SMYD3: variants seen among roughly 807,000 people sequenced by gnomAD.
SMYD3 encodes SET and MYND domain containing 3.
In SMYD3, 36 loss-of-function variants were observed where a neutral mutation model predicts 57.7. The ratio of observed to expected loss-of-function variants is 0.62; its 90% CI spans 0.48 to 0.82. The LOEUF (loss-of-function observed/expected upper bound fraction) is 0.82, where lower values mean the gene tolerates loss of function less well. Among genes scored for constraint, SMYD3 ranks in the 40% least tolerant of loss-of-function variants. The probability of loss-of-function intolerance (pLI) is 0.00; values close to 1 mark genes in which losing one functional copy is unlikely to be tolerated. For synonymous variants in SMYD3, 211 were observed against 195.0 expected (o/e 1.08, Z -0.68); for missense variants, 515 against 538.8 (o/e 0.96, Z 0.44).
rs558988244 is a variant in SMYD3, at chr1:246,392,467, G to A, written c.165-37373C>T. 6.4e-4 allele frequency among the ~76,000 whole-genome samples: 97 copies of A among 152,116 alleles called. 1 individual carries two copies. The highest frequency in any genetic ancestry group is 2.3e-3 in the African/African-American group (96 of 41,500). Reference sequence around the variant, plus strand: ...CATTATGAAGGACTACTTTTGAGGGGGTTTTTAGACACAAGATCTCACTGT... The same window carrying A: ...CATTATGAAGGACTACTTTTGAGGGAGTTTTTAGACACAAGATCTCACTGT... On this transcript the variant is annotated intron_variant, in intron 1 of 11. Coordinates refer to ENST00000490107, the MANE Select transcript of SMYD3 (RefSeq NM_001167740.2).
At chr1:245,818,602 A>G (rs373575383) in intron 10 of SMYD3, among the ~76,000 whole-genome samples, 18 of 151,954 alleles carry the variant, frequency 1.2e-4, no homozygotes, top group Non-Finnish European at 2.1e-4. Context: ...AGACTGGCAA[A>G]TTGGATAAAG....
At chr1:245,799,923 T>C (rs2047771820) in intron 10 of SMYD3, among the ~76,000 whole-genome samples, 1 of 152,210 alleles carries the variant, frequency 6.6e-6, no homozygotes, top group South Asian at 2.1e-4. Context: ...CACCTCATGC[T>C]GCAGCACTGG....
intron 1 of SMYD3, among the ~76,000 whole-genome samples, chr1:246,422,501 T>C (rs1008841383): frequency 1.3e-5 from 2 of 152,120 alleles, no homozygotes; most frequent in Non-Finnish European, 2.9e-5. Flanking sequence ...CTCAGCTCAC[T>C]GCAACTTCCA....
chr1:246,004,866 A>G (rs756713764), intron 5 of SMYD3, among the ~76,000 whole-genome samples: 18 of 151,930 alleles, frequency 1.2e-4, no homozygotes, highest in Non-Finnish European at 1.8e-4. Flanking sequence ...TTTTTTTGAG[A>G]CAGCGTCTCA....
intron 5 of SMYD3, among the ~76,000 whole-genome samples, chr1:246,032,460 C>G (rs2059695112): frequency 6.6e-6 from 1 of 152,202 alleles, no homozygotes; most frequent in African/African-American, 2.4e-5. Flanking sequence ...TGCCCTAGCA[C>G]TGAAGGAGAG....
intron 5 of SMYD3, among the ~76,000 whole-genome samples, chr1:246,066,321 T>C (rs575545161): frequency 7.4e-4 from 112 of 152,336 alleles, no homozygotes; most frequent in Middle Eastern, 3.4e-3. Flanking sequence ...ATTAACAGAT[T>C]GGCAACGAGC....
chr1:246,394,443 AACAT>A (rs1273260286), intron 1 of SMYD3, among the ~76,000 whole-genome samples: 1 of 152,240 alleles, frequency 6.6e-6, no homozygotes, highest in East Asian at 1.9e-4. Context: ...GTACAATGTA[AACAT>A]ACAGCAGGAA....
At chr1:246,462,204 G>A (rs1048865948) in intron 1 of SMYD3, among the ~76,000 whole-genome samples, 3 of 91,680 alleles carry the variant, frequency 3.3e-5, no homozygotes, top group Non-Finnish European at 6.9e-5. Flanking sequence ...GCATCCTCCC[G>A]CGGGGCCTGC....
intron 5 of SMYD3, among the ~76,000 whole-genome samples, chr1:246,108,392 A>C (rs774461067): frequency 1.3e-5 from 2 of 152,212 alleles, no homozygotes; most frequent in Non-Finnish European, 2.9e-5. Context: ...ACCGTACTTA[A>C]AATCTCAGCA....
intron 5 of SMYD3, among the ~76,000 whole-genome samples, chr1:246,285,007 T>C (rs1375571475): frequency 2.0e-5 from 3 of 152,002 alleles, no homozygotes; most frequent in Non-Finnish European, 4.4e-5. Context: ...ACAGGTGGTA[T>C]TTGGTTACAT....
chr1:246,294,942 G>T (rs2064764489), intron 5 of SMYD3, among the ~76,000 whole-genome samples: 1 of 152,110 alleles, frequency 6.6e-6, no homozygotes, highest in African/African-American at 2.4e-5. Flanking sequence ...TATAAGGTGA[G>T]AATAATATAT....
At chr1:246,238,677 T>C (rs1275731276) in intron 5 of SMYD3, among the ~76,000 whole-genome samples, 1 of 152,194 alleles carries the variant, frequency 6.6e-6, no homozygotes. Flanking sequence ...CCTGCAATTC[T>C]TTCTTACATC....
intron 5 of SMYD3, among the ~76,000 whole-genome samples, chr1:246,068,530 G>C (rs906885022): frequency 6.6e-6 from 1 of 152,168 alleles, no homozygotes. Flanking sequence ...ATGACTGGGA[G>C]GGGGCAGAAA....
At chr1:245,908,896 AT>A (rs1320199869) in intron 8 of SMYD3, among the ~76,000 whole-genome samples, 1 of 152,196 alleles carries the variant, frequency 6.6e-6, no homozygotes, top group Non-Finnish European at 1.5e-5. Flanking sequence ...CTAACAATGT[AT>A]CTCAAGGAAC....
At chr1:245,864,663 A>G (rs1182754856) in intron 8 of SMYD3, among the ~76,000 whole-genome samples, 1 of 152,186 alleles carries the variant, frequency 6.6e-6, no homozygotes, top group Admixed American at 6.5e-5. Flanking sequence ...TTCTGGGGTG[A>G]TAAAAATGCT....
At chr1:245,934,636 G>A (rs1215982201) in intron 5 of SMYD3, among the ~76,000 whole-genome samples, 4 of 152,158 alleles carry the variant, frequency 2.6e-5, no homozygotes, top group African/African-American at 4.8e-5. Context: ...GGCTGGCGAC[G>A]GAGGTCAGCT....
chr1:246,390,291 T>C (rs1170889349), intron 1 of SMYD3, among the ~76,000 whole-genome samples: 2 of 133,780 alleles, frequency 1.5e-5, no homozygotes, highest in Admixed American at 7.8e-5. Context: ...TGTAGGTAAA[T>C]ATAAAAGCCT....
intron 8 of SMYD3, among the ~76,000 whole-genome samples, chr1:245,882,235 A>G (rs1214542463): frequency 1.3e-5 from 2 of 152,200 alleles, no homozygotes; most frequent in South Asian, 2.1e-4. Context: ...ACCTCTGTCA[A>G]TCGTGAGGTC....
At chr1:245,993,579 A>AAGATAGATAGAT (rs1210624302) in intron 5 of SMYD3, among the ~76,000 whole-genome samples, 71 of 30,130 alleles carry the variant, frequency 2.4e-3, no homozygotes, top group East Asian at 5.2e-3. Flanking sequence ...AAAAAAAAAA[A>AAGATAGATAGAT]AGATAGATAG....
Sources: allele counts gnomAD v4.1 joint callset (sites outside exome capture counted in the v4.1 genomes callset), GRCh38; gene constraint gnomAD v4.1.1; transcripts MANE v1.5; gene names NCBI Gene and HGNC (gene_info 2026-07-23, HGNC 2026-07-21).